Variants in PKD2L2 observed in about 807,000 individuals in gnomAD.
PKD2L2 encodes polycystin-2-like protein 2.
PKD2L2 carries 67 observed loss-of-function variants against 83.9 expected under a neutral mutation model. That is an observed-to-expected ratio of 0.80 (90% CI 0.66 to 0.98). The LOEUF is 0.98. PKD2L2 is among the 50% of genes least tolerant of loss of function. PKD2L2 has a pLI of 0.00. For missense variants in PKD2L2, 632 were observed against 717.2 expected (o/e 0.88, Z 1.36); for synonymous variants, 223 against 237.8 (o/e 0.94, Z 0.57).
chr5:137,927,074 C>T (rs920118566), intron 12 of PKD2L2, among the ~76,000 whole-genome samples: 10 of 152,142 alleles, frequency 6.6e-5, no homozygotes, highest in African/African-American at 2.4e-4. Flanking sequence ...AATATTTAAG[C>T]ATTATGATGA....
chr5:137,897,533 A>G (rs1411481042), intron 4 of PKD2L2, among the ~76,000 whole-genome samples: 3 of 152,204 alleles, frequency 2.0e-5, no homozygotes, highest in African/African-American at 4.8e-5. Flanking sequence ...AACACTATCA[A>G]TTAGGTTTAT....
rs576237234 is a variant in PKD2L2 at position 137,930,345 on chromosome 5, A to G, written c.1671+4416A>G. On this transcript the variant is annotated intron_variant, in intron 12 of 14. Coordinates refer to ENST00000508883, the MANE Select transcript of PKD2L2 (RefSeq NM_001300921.2). ...AATGAAAAAATTCTTTGACTAAAAA[A>G]TATCAAAACTCTCTATTAAATGACT... Among the ~76,000 whole-genome samples, 7 of 152,310 alleles carry G rather than the reference A, an allele frequency of 4.6e-5. No homozygotes were observed. The South Asian group carries it at 1.5e-3, about 32-fold the overall frequency.
At chr5:137,894,670 A>T in intron 4 of PKD2L2, 61 bp downstream of exon 4, 1 of 1,333,188 alleles carries the variant, frequency 7.5e-7, no homozygotes, top group Admixed American at 1.9e-5. Context: ...TCTTTTAGAT[A>T]TGTGTCTTCC....
At position 137,939,744 on chromosome 5, in the gene PKD2L2, A is replaced by G. The variant is rs1430701441; in HGVS notation, c.*18-2640A>G. On this transcript the variant is annotated intron_variant, in intron 14 of 14. Transcript: ENST00000508883. Reference sequence around the variant, plus strand: ...TGATTTTGGTTTTCTAGGAAAACAGAGAACACAGTTGCGTATGTGCACTTT... The same window carrying G: ...TGATTTTGGTTTTCTAGGAAAACAGGGAACACAGTTGCGTATGTGCACTTT... 3 of 552,672 alleles carry G rather than the reference A, an allele frequency of 5.4e-6. No homozygotes were observed. In the African/African-American group the frequency reaches 6.1e-5, roughly 11 times the overall value. 34.2% of individuals were successfully genotyped at this position (552,672 alleles called of 1,614,324 possible).
At chr5:137,940,018 T>C (rs2150085618) in intron 14 of PKD2L2, 2 of 1,609,906 alleles carry the variant, frequency 1.2e-6, no homozygotes, top group South Asian at 1.1e-5. Context: ...GGACAGTCTG[T>C]GGTTAATATG....
At chr5:137,912,528 G>T (rs1452889772) in intron 8 of PKD2L2, among the ~76,000 whole-genome samples, 4 of 151,682 alleles carry the variant, frequency 2.6e-5, no homozygotes, top group African/African-American at 9.7e-5. Context: ...CACCACACCT[G>T]GCTAATTTTT....
Position 137,917,764 on chromosome 5 carries a change from G to GT in PKD2L2, c.1329-3871dup, listed in dbSNP as rs1241840626. ...CACCATCTGGTCTTTCTCAGAGAGC[G>GT]TATCTACTAGCATGCGTTTTTCTTG... On this transcript the variant is annotated intron_variant, in intron 8 of 14. Transcript: ENST00000508883. 8.5e-5 allele frequency among the ~76,000 whole-genome samples: 13 copies of GT among 152,248 alleles called. No individual in the cohort carries two copies. The East Asian group carries it at 1.9e-3, about 23-fold the overall frequency.
intron 14 of PKD2L2, among the ~76,000 whole-genome samples, chr5:137,936,889 T>C (rs1245109478): frequency 6.6e-6 from 1 of 152,242 alleles, no homozygotes; most frequent in Non-Finnish European, 1.5e-5. Flanking sequence ...GGACTCACTA[T>C]ACAATCCATG....
chr5:137,897,644 T>G (rs1331959945), intron 4 of PKD2L2, among the ~76,000 whole-genome samples: 1 of 152,146 alleles, frequency 6.6e-6, no homozygotes, highest in Non-Finnish European at 1.5e-5. Flanking sequence ...ATTCACTAAT[T>G]AAAAACAAAA....
chr5:137,929,422 T>C (rs1227053564), intron 12 of PKD2L2, among the ~76,000 whole-genome samples: 3 of 150,774 alleles, frequency 2.0e-5, no homozygotes, highest in Non-Finnish European at 4.4e-5. Flanking sequence ...GATCGGGTCA[T>C]TGCACTCCAG....
Position 137,933,169 on chromosome 5 carries a change from A to G in PKD2L2, c.1672-2628A>G, listed in dbSNP as rs114188700. ...TGAAGCTTACAAAGCCTAAAACCCA[A>G]CATCACAGAGTATAAGAGGGTAAAT... On this transcript the variant is annotated intron_variant, in intron 12 of 14. Coordinates refer to ENST00000508883, the MANE Select transcript of PKD2L2 (RefSeq NM_001300921.2). Among the ~76,000 whole-genome samples the G allele has an allele frequency of 7.7e-3, 1,166 of 152,286 alleles. 8 individuals are homozygous for G. The highest frequency in any genetic ancestry group is 0.013 in the Non-Finnish European group (878 of 68,012).
At chr5:137,937,058 C>G (rs1003574041) in intron 14 of PKD2L2, among the ~76,000 whole-genome samples, 4 of 152,220 alleles carry the variant, frequency 2.6e-5, no homozygotes, top group Admixed American at 2.6e-4. Context: ...AGACAGTTTT[C>G]TCATAGTTAC....
At position 137,890,488 on chromosome 5, in the gene PKD2L2, G is replaced by A. The variant is rs1755868671; in HGVS notation, c.39G>A (p.Ser13=). 10 of 1,568,526 alleles carry A rather than the reference G, an allele frequency of 6.4e-6. No homozygotes were observed. Among genetic ancestry groups the A allele is most frequent in the South Asian group, 4.8e-5 (4 of 82,868 alleles). The change falls in exon 2 of 15, where the codon TCG becomes TCA. Residue 13 remains serine (S), a synonymous_variant. Coordinates refer to ENST00000508883, the MANE Select transcript of PKD2L2 (RefSeq NM_001300921.2). ...EASRWHRGGA[S]KHKLHYRKEV... is the part of the protein sequence containing the mutation. ...TTGTCTTATATCTCACAGGGGCTTC[G>A]AAACATAAGTTGCATTACAGAAAGG...
intron 12 of PKD2L2, among the ~76,000 whole-genome samples, chr5:137,932,925 T>A (rs1759994962): frequency 6.6e-6 from 1 of 151,606 alleles, no homozygotes; most frequent in South Asian, 2.1e-4. Context: ...CTTGAGTGGG[T>A]GTGATGAGGC....
Position 137,891,469 on chromosome 5 carries a change from G to GA in PKD2L2, c.133+901dup, listed in dbSNP as rs556956890. Among the ~76,000 whole-genome samples, 274 of 119,190 alleles carry GA rather than the reference G, an allele frequency of 2.3e-3. 1 individual carries two copies. The highest frequency in any genetic ancestry group is 2.9e-3 in the South Asian group (11 of 3,810). The allele number at this position is 119,190 out of a possible 152,430, so 78.2% of individuals were successfully genotyped here. A position where few individuals can be genotyped will look rare whatever the true frequency, so the allele number is the denominator to read the frequency against. ...TGACAGGCTGAGACCCTGTCCCAAG[G>GA]AAAAAAAAAAAAAAGATAACTGTAG... On this transcript the variant is annotated intron_variant, in intron 2 of 14. Coordinates refer to ENST00000508883, the MANE Select transcript of PKD2L2 (RefSeq NM_001300921.2).
chr5:137,914,388 A>G (rs1758136072), intron 8 of PKD2L2, among the ~76,000 whole-genome samples: 1 of 152,110 alleles, frequency 6.6e-6, no homozygotes, highest in Non-Finnish European at 1.5e-5. Flanking sequence ...ATATAATTCA[A>G]ATATTCCAAA....
intron 8 of PKD2L2, among the ~76,000 whole-genome samples, chr5:137,914,788 G>A (rs1337173383): frequency 6.6e-6 from 1 of 152,084 alleles, no homozygotes; most frequent in Admixed American, 6.5e-5. Context: ...CCTTTATTAT[G>A]TTAAGGGACA....
intron 12 of PKD2L2, among the ~76,000 whole-genome samples, chr5:137,929,419 T>G (rs1345942486): frequency 1.3e-5 from 2 of 148,980 alleles, no homozygotes; most frequent in Admixed American, 6.7e-5. Flanking sequence ...CGAGATCGGG[T>G]CATTGCACTC....
chr5:137,917,981 G>T (rs1243644520), intron 8 of PKD2L2, among the ~76,000 whole-genome samples: 1 of 152,116 alleles, frequency 6.6e-6, no homozygotes, highest in Non-Finnish European at 1.5e-5. Context: ...AGTTTGGGAG[G>T]CCAAGGCAAG....
Sources: gnomAD v4.1 joint callset for allele counts (sites outside exome capture counted in the v4.1 genomes callset) on GRCh38, gnomAD v4.1.1 for gene constraint, MANE v1.5 for transcripts, NCBI Gene and HGNC (gene_info 2026-07-23, HGNC 2026-07-21) for gene names.